The following WDR64 variants were observed in gnomAD, a reference collection of about 807,000 sequenced individuals.
WDR64 encodes the protein WD repeat domain 64.
In WDR64, 112 loss-of-function variants were observed where a neutral mutation model predicts 139.3. The ratio of observed to expected loss-of-function variants is 0.80; its 90% CI spans 0.69 to 0.94. The LOEUF is 0.94. Among genes scored for constraint, WDR64 ranks in the 40% least tolerant of loss-of-function variants. The pLI, the probability that WDR64 is intolerant of heterozygous loss-of-function variation, is 0.00. For missense variants in WDR64, 1,206 were observed against 1,293.1 expected (o/e 0.93, Z 1.03); for synonymous variants, 444 against 437.7 (o/e 1.01, Z -0.18).
In WDR64 at chr1:241,679,470, C is replaced by A; in HGVS notation, c.514-15C>A. ...GAAATGCATTATATCCCCCAATTCT[C>A]TGCTTTTCTATCAGGACACCTCCTG... is the stretch of plus-strand genomic sequence containing the variant. On this transcript the variant is annotated splice_polypyrimidine_tract_variant and intron_variant, in intron 5 of 27. Transcript: ENST00000437684. 1 of 1,548,942 alleles carries A rather than the reference C, an allele frequency of 6.5e-7. No individual in the cohort carries two copies.
Position 241,741,616 on chromosome 1 carries a change from C to T in WDR64, c.1422C>T (p.Asn474=), listed in dbSNP as rs761993944. 9.9e-6 allele frequency: 16 copies of T among 1,612,920 alleles called. No homozygotes were observed. Among genetic ancestry groups the T allele is most frequent in the Middle Eastern group, 1.6e-4 (1 of 6,082 alleles). The part of the protein sequence containing the change: ...HEREINVMLY[N]KYFHQVLTIC... Reference sequence around the variant, plus strand: ...GAGAAATCAATGTCATGCTTTACAACAAATATTTTCATCAAGTACTCACTA... The same window carrying T: ...GAGAAATCAATGTCATGCTTTACAATAAATATTTTCATCAAGTACTCACTA... Residue 474 remains asparagine (N), a synonymous_variant, in exon 12 of 28, where the codon AAC becomes AAT. Coordinates refer to ENST00000437684, the MANE Select transcript of WDR64 (RefSeq NM_001367482.1).
At chr1:241,788,177 T>C (rs1481942233) in intron 24 of WDR64, 143 bp downstream of exon 24, 3 of 638,680 alleles carry the variant, frequency 4.7e-6, no homozygotes, top group African/African-American at 3.8e-5. Flanking sequence ...GGGAAATGTA[T>C]GTAAACAAAG....
intron 14 of WDR64, among the ~76,000 whole-genome samples, chr1:241,751,633 G>A (rs1322659419): frequency 1.3e-5 from 2 of 152,060 alleles, no homozygotes; most frequent in African/African-American, 4.8e-5. Context: ...AGTCCTTAAC[G>A]GCTTAAATAT....
chr1:241,801,448 C>T lies in WDR64; in HGVS notation c.*233C>T. The stretch of plus-strand genomic sequence containing the variant: ...GGCGGTGTTTCTTATTTACTGTCAG[C>T]AAACTGACACATAAGAAAACAAATG... On this transcript the variant is annotated 3_prime_UTR_variant, in exon 28 of 28. Transcript: ENST00000437684. 1 of 478,822 alleles carries T rather than the reference C, an allele frequency of 2.1e-6. No homozygotes were observed. Among genetic ancestry groups the T allele is most frequent in the Non-Finnish European group, 3.7e-6 (1 of 269,686 alleles). The allele number at this position is 478,822 out of a possible 1,614,324, so 29.7% of individuals were successfully genotyped here. A position where few individuals can be genotyped will look rare whatever the true frequency, so the allele number is the denominator to read the frequency against.
chr1:241,764,259 T>C (rs550964374), intron 15 of WDR64, among the ~76,000 whole-genome samples: 34 of 152,200 alleles, frequency 2.2e-4, no homozygotes, highest in African/African-American at 8.2e-4. Context: ...ATTTGTGCTG[T>C]GGGCAGCTCA....
intron 17 of WDR64, among the ~76,000 whole-genome samples, 193 bp downstream of exon 17, chr1:241,769,698 T>C (rs1217598493): frequency 2.0e-5 from 3 of 152,356 alleles, no homozygotes; most frequent in East Asian, 1.9e-4. Context: ...TTTCTTCCCA[T>C]AACTGTCATT....
rs1658437134 is a variant in WDR64 at position 241,771,705 on chromosome 1, T to G, written c.2290+8T>G. 6.8e-7 allele frequency: 1 copy of G among 1,466,710 alleles called. No individual in the cohort carries two copies. Among genetic ancestry groups the G allele is most frequent in the East Asian group, 2.7e-5 (1 of 37,230 alleles). 90.9% of individuals were successfully genotyped at this position (1,466,710 alleles called of 1,614,324 possible). On this transcript the variant is annotated splice_region_variant and intron_variant, in intron 19 of 27. Coordinates refer to ENST00000437684, the MANE Select transcript of WDR64 (RefSeq NM_001367482.1). ...ATGACAGTGAGGTTAAAGGTCAGTA[T>G]GAAATCACCTCTCTTCTTTATAATA...
rs143887962 is a variant in WDR64, at chr1:241,663,560, G to A, written c.276+2900G>A. Among the ~76,000 whole-genome samples, 1,032 of 152,344 alleles carry A rather than the reference G, an allele frequency of 6.8e-3. 14 individuals carry two copies. The highest frequency in any genetic ancestry group is 0.02 in the African/African-American group (833 of 41,582). On this transcript the variant is annotated intron_variant, in intron 2 of 27. Coordinates refer to ENST00000437684, the MANE Select transcript of WDR64 (RefSeq NM_001367482.1). ...CTTTGGGGAGAGAATTCTGGGGTTCGAAGAATCTAGGGCATAGTTTAAAAG... is the reference window on the plus strand; with the variant it reads ...CTTTGGGGAGAGAATTCTGGGGTTCAAAGAATCTAGGGCATAGTTTAAAAG...
At chr1:241,768,045 A>C (rs978637519) in intron 16 of WDR64, among the ~76,000 whole-genome samples, 9 of 152,244 alleles carry the variant, frequency 5.9e-5, no homozygotes, top group Admixed American at 1.3e-4. Flanking sequence ...GAAATCAGAT[A>C]GACTAAGAAG....
intron 8 of WDR64, among the ~76,000 whole-genome samples, chr1:241,705,000 G>A (rs1667876159): frequency 6.6e-6 from 1 of 152,152 alleles, no homozygotes; most frequent in East Asian, 1.9e-4. Context: ...GGGTTATTTT[G>A]TCTGCCTTCC....
chr1:241,798,214 T>C (rs1659422990), intron 27 of WDR64, among the ~76,000 whole-genome samples: 1 of 152,196 alleles, frequency 6.6e-6, no homozygotes, highest in South Asian at 2.1e-4. Flanking sequence ...ATCACTCTGA[T>C]AGATCGTCGA....
intron 27 of WDR64, among the ~76,000 whole-genome samples, chr1:241,800,745 T>A (rs774473720): frequency 1.3e-4 from 20 of 152,242 alleles, no homozygotes; most frequent in Non-Finnish European, 2.4e-4. Context: ...CCGACTCTGA[T>A]GTTATTAATC....
chr1:241,725,229 A>C (rs1668758995), intron 10 of WDR64, among the ~76,000 whole-genome samples: 1 of 152,158 alleles, frequency 6.6e-6, no homozygotes, highest in African/African-American at 2.4e-5. Context: ...TTCTAATAAA[A>C]TAGCTAGATG....
At position 241,753,328 on chromosome 1, in the gene WDR64, C is replaced by T. The variant is rs144316717; in HGVS notation, c.1770+3606C>T. Reference sequence around the variant, plus strand: ...CCTGTTCTGCAAGCAAAATAATTGACCTTAAAATTTTGACTTTTATTCTCA... The same window carrying T: ...CCTGTTCTGCAAGCAAAATAATTGATCTTAAAATTTTGACTTTTATTCTCA... On this transcript the variant is annotated intron_variant, in intron 14 of 27. Coordinates refer to ENST00000437684, the MANE Select transcript of WDR64 (RefSeq NM_001367482.1). 1.5e-4 allele frequency among the ~76,000 whole-genome samples: 23 copies of T among 152,258 alleles called. 1 individual carries two copies. In the East Asian group the frequency reaches 4.4e-3, roughly 29 times the overall value.
intron 10 of WDR64, among the ~76,000 whole-genome samples, chr1:241,735,533 CT>C (rs58339742): frequency 0.17 from 17,429 of 103,018 alleles, 781 homozygotes; most frequent in Middle Eastern, 0.27. Flanking sequence ...CTCTCTCTCT[CT>C]TTTTTTTTTT....
intron 14 of WDR64, among the ~76,000 whole-genome samples, chr1:241,754,984 G>T (rs1338067558): frequency 6.6e-6 from 1 of 152,130 alleles, no homozygotes; most frequent in African/African-American, 2.4e-5. Context: ...TGGGCATTTA[G>T]GTTGGTTCCA....
intron 25 of WDR64, among the ~76,000 whole-genome samples, chr1:241,793,249 A>G (rs1475989083): frequency 1.3e-5 from 2 of 152,236 alleles, no homozygotes; most frequent in East Asian, 3.8e-4. Flanking sequence ...AGAATTAAAA[A>G]CACAAAATTC....
chr1:241,701,859 T>A (rs1027995584), intron 8 of WDR64, among the ~76,000 whole-genome samples: 1 of 152,256 alleles, frequency 6.6e-6, no homozygotes, highest in Non-Finnish European at 1.5e-5. Flanking sequence ...AACATGTTTC[T>A]ATTTTTGTAA....
intron 20 of WDR64, among the ~76,000 whole-genome samples, chr1:241,774,148 A>T (rs1658563025): frequency 6.6e-6 from 1 of 152,176 alleles, no homozygotes; most frequent in South Asian, 2.1e-4. Context: ...AGAGGAGGTG[A>T]CCTCGCTTGT....
Sources: allele counts gnomAD v4.1 joint callset (sites outside exome capture counted in the v4.1 genomes callset), GRCh38; gene constraint gnomAD v4.1.1; transcripts MANE v1.5; gene names NCBI Gene and HGNC (gene_info 2026-07-23, HGNC 2026-07-21).